Variants in KLHL1 observed in about 807,000 individuals in gnomAD.
KLHL1 encodes kelch like family member 1.
A neutral mutation model predicts 77.7 loss-of-function variants in KLHL1; 47 were observed. The observed-to-expected ratio is 0.60, with a 90% CI of 0.48 to 0.77. KLHL1 has a LOEUF of 0.77. Among genes scored for constraint, KLHL1 ranks in the 30% least tolerant of loss-of-function variants. The probability of loss-of-function intolerance (pLI) is 0.00; values close to 1 mark genes in which losing one functional copy is unlikely to be tolerated. For synonymous variants in KLHL1, 360 were observed against 325.2 expected, an observed-to-expected ratio of 1.11 and a Z score of -1.15; for missense variants, 925 against 910.8, an observed-to-expected ratio of 1.02 and a Z score of -0.20.
intron 7 of KLHL1, among the ~76,000 whole-genome samples, chr13:69,786,945 C>G (rs549108008): frequency 6.6e-6 from 1 of 152,260 alleles, no homozygotes; most frequent in East Asian, 1.9e-4. Flanking sequence ...ATCCAACTTA[C>G]AAGGGATGTG....
chr13:69,753,490 A>C (rs1285522444), intron 7 of KLHL1, among the ~76,000 whole-genome samples: 6 of 152,182 alleles, frequency 3.9e-5, no homozygotes, highest in Admixed American at 2.6e-4. Flanking sequence ...TTTCTGTTTA[A>C]ATGAATGAAT....
At chr13:69,751,166 T>C (rs944432814) in intron 7 of KLHL1, among the ~76,000 whole-genome samples, 2 of 150,538 alleles carry the variant, frequency 1.3e-5, no homozygotes, top group African/African-American at 5.0e-5. Context: ...GTTGGGAGCA[T>C]GTGGGCATGT....
At chr13:69,967,293 G>C (rs1341534339) in intron 2 of KLHL1, among the ~76,000 whole-genome samples, 2 of 152,118 alleles carry the variant, frequency 1.3e-5, no homozygotes, top group African/African-American at 4.8e-5. Flanking sequence ...TAAGTCATGG[G>C]AGGAAGTAAA....
In KLHL1 at chr13:69,719,499, T is replaced by C; in HGVS notation, c.1885A>G (p.Met629Val). Residue 629 changes from methionine to valine, a missense_variant, in exon 9 of 11, where the codon ATG becomes GTG. Coordinates refer to ENST00000377844, the MANE Select transcript of KLHL1 (RefSeq NM_020866.3). ...YYDPHTNKWN[M>V]CAPMCKRRGG... ...CTCCTCTTACACATGGGAGCACACA[T>C]GTTCCACTTATTTGTATGAGGATCA... The C allele has an allele frequency of 6.2e-7, 1 of 1,613,568 alleles. No individual in the cohort carries two copies. Among genetic ancestry groups the C allele is most frequent in the Non-Finnish European group, 8.5e-7 (1 of 1,179,698 alleles).
intron 5 of KLHL1, among the ~76,000 whole-genome samples, chr13:69,841,632 C>T (rs1879265226): frequency 6.6e-6 from 1 of 151,756 alleles, no homozygotes. Context: ...CCGCATTGCT[C>T]AAATCATTCT....
rs9529665 is a variant in KLHL1, at chr13:69,986,649, C to T, written c.498-10847G>A. ...AAAGTTCTATTATGAAAATAAGATA[C>T]GCTGATGTTTGGTAAGAAATTTTGA... On this transcript the variant is annotated intron_variant, in intron 1 of 10. Transcript: ENST00000377844. Among the ~76,000 whole-genome samples the T allele has an allele frequency of 6.5e-3, 983 of 151,918 alleles. 5 individuals carry two copies. Among genetic ancestry groups the T allele is most frequent in the Non-Finnish European group, 0.011 (715 of 67,872 alleles).
intron 1 of KLHL1, among the ~76,000 whole-genome samples, chr13:69,983,589 AAAG>A (rs1555287927): frequency 7.6e-5 from 10 of 132,220 alleles, no homozygotes; most frequent in Non-Finnish European, 1.4e-4. Context: ...AAAAAAAAAA[AAAG>A]AAGAAGAAGA....
At chr13:69,999,314 G>A (rs1251500067) in intron 1 of KLHL1, among the ~76,000 whole-genome samples, 3 of 151,852 alleles carry the variant, frequency 2.0e-5, no homozygotes, top group African/African-American at 4.8e-5. Flanking sequence ...GAAGATCATC[G>A]GTGGTCACCT....
intron 1 of KLHL1, among the ~76,000 whole-genome samples, chr13:69,989,771 T>C (rs190820801): frequency 6.6e-6 from 1 of 152,110 alleles, no homozygotes; most frequent in Admixed American, 6.6e-5. Flanking sequence ...GTGGGTGTTG[T>C]TAGTGTATAG....
chr13:69,963,216 C>T (rs568001803), intron 2 of KLHL1, among the ~76,000 whole-genome samples: 48 of 152,214 alleles, frequency 3.2e-4, no homozygotes, highest in African/African-American at 1.1e-3. Context: ...GCACAACCAC[C>T]TCACCTAGCA....
chr13:69,816,190 AT>A (rs1236378884), intron 6 of KLHL1, among the ~76,000 whole-genome samples: 3 of 151,984 alleles, frequency 2.0e-5, no homozygotes, highest in African/African-American at 7.2e-5. Context: ...CATTAAATCA[AT>A]GCAACATTTT....
At chr13:69,866,610 TA>T (rs1880373562) in intron 5 of KLHL1, among the ~76,000 whole-genome samples, 1 of 152,110 alleles carries the variant, frequency 6.6e-6, no homozygotes, top group African/African-American at 2.4e-5. Flanking sequence ...CATTTTTAAT[TA>T]AAATACTTGA....
intron 4 of KLHL1, among the ~76,000 whole-genome samples, chr13:69,889,043 C>CACAT (rs1881327441): frequency 6.7e-6 from 1 of 148,388 alleles, no homozygotes; most frequent in African/African-American, 2.5e-5. Flanking sequence ...TTGCATAGGT[C>CACAT]ATATATATAT....
At chr13:70,038,391 A>G (rs1254512572) in intron 1 of KLHL1, among the ~76,000 whole-genome samples, 1 of 152,150 alleles carries the variant, frequency 6.6e-6, no homozygotes, top group South Asian at 2.1e-4. Flanking sequence ...TGTAGACATG[A>G]GTATTCAGTT....
chr13:70,012,775 G>T (rs1566497793), intron 1 of KLHL1, among the ~76,000 whole-genome samples: 2 of 151,996 alleles, frequency 1.3e-5, no homozygotes, highest in Non-Finnish European at 2.9e-5. Flanking sequence ...GCCAGGCATG[G>T]TGGTGGGCGC....
chr13:70,057,682 A>G (rs1302819572), intron 1 of KLHL1, among the ~76,000 whole-genome samples: 1 of 143,426 alleles, frequency 7.0e-6, no homozygotes, highest in African/African-American at 2.5e-5. Flanking sequence ...AGGCTGAGGC[A>G]GGAGAATGGC....
chr13:70,014,516 G>C (rs1409351150), intron 1 of KLHL1, among the ~76,000 whole-genome samples: 1 of 151,948 alleles, frequency 6.6e-6, no homozygotes, highest in Non-Finnish European at 1.5e-5. Flanking sequence ...TGACAGTTAA[G>C]AAAATCATCA....
At chr13:69,885,531 G>T (rs1198062827) in intron 4 of KLHL1, among the ~76,000 whole-genome samples, 1 of 151,726 alleles carries the variant, frequency 6.6e-6, no homozygotes, top group African/African-American at 2.4e-5. Context: ...TACCTACAAT[G>T]TAGGTTCTGG....
At chr13:69,727,064 A>T (rs1484081237) in intron 8 of KLHL1, among the ~76,000 whole-genome samples, 3 of 152,152 alleles carry the variant, frequency 2.0e-5, no homozygotes, top group Admixed American at 1.3e-4. Context: ...GTGTCTCGGG[A>T]ACACAAAAGT....
Sources: allele counts gnomAD v4.1 joint callset (sites outside exome capture counted in the v4.1 genomes callset), GRCh38; gene constraint gnomAD v4.1.1; transcripts MANE v1.5; gene names NCBI Gene and HGNC (gene_info 2026-07-23, HGNC 2026-07-21).